NF1: variants seen among roughly 807,000 people sequenced by gnomAD.
The protein encoded by NF1 is neurofibromin 1.
Under a neutral mutation model 325.7 loss-of-function variants are expected in NF1, and 122 were observed. The ratio of observed to expected loss-of-function variants is 0.37; its 90% CI spans 0.32 to 0.44. The LOEUF (loss-of-function observed/expected upper bound fraction) is 0.44. Among genes scored for constraint, NF1 ranks in the 20% least tolerant of loss-of-function variants. The pLI is 1.00. For missense variants in NF1, 2,140 were observed against 3,415.4 expected (o/e 0.63, Z 9.31); for synonymous variants, 1,091 against 1,186.0 (o/e 0.92, Z 1.65).
At chr17:31,363,258 A>G (rs748086014) in intron 57 of NF1, among the ~76,000 whole-genome samples, 15 of 152,176 alleles carry the variant, frequency 9.9e-5, no homozygotes, top group Non-Finnish European at 1.5e-4. Context: ...ACCCATTTGT[A>G]TCTCTAAATT....
In NF1 at chr17:31,337,514, T is replaced by C. The variant is rs267606598; in HGVS notation, c.6574T>C (p.Tyr2192His). 6.2e-7 allele frequency: 1 copy of C among 1,614,128 alleles called. No individual in the cohort carries two copies. The highest frequency in any genetic ancestry group is 8.5e-7 in the Non-Finnish European group (1 of 1,179,982). The change falls in exon 43 of 58, where the codon TAT becomes CAT. Residue 2192 changes from tyrosine (Y) to histidine (H), a missense_variant. Tyr to His is a moderately conservative substitution (Grantham distance 83). Coordinates refer to ENST00000358273, the MANE Select transcript of NF1 (RefSeq NM_001042492.3). ...YRDRSFSPGS[Y>H]ERETFALTSL... ...GGACAGGTCATTCTCTCCTGGCTCC[T>C]ATGAGAGAGAGACTTTTGCTTTGAC...
chr17:31,254,490 G>A (rs553876508), intron 31 of NF1, among the ~76,000 whole-genome samples: 20 of 152,070 alleles, frequency 1.3e-4, no homozygotes, highest in Non-Finnish European at 2.1e-4. Context: ...TTATAAAGAC[G>A]TTTCTAATGC....
intron 1 of NF1, among the ~76,000 whole-genome samples, chr17:31,141,942 GTT>G (rs1466887012): frequency 1.3e-5 from 2 of 152,034 alleles, no homozygotes; most frequent in African/African-American, 2.4e-5. Flanking sequence ...TATTTTCTTT[GTT>G]TTTTCTCTCA....
At chr17:31,214,726 C>T in intron 13 of NF1, 141 bp downstream of exon 13, 1 of 700,896 alleles carries the variant, frequency 1.4e-6, no homozygotes, top group South Asian at 2.0e-5. Context: ...ACTAAGACGT[C>T]TCTAAGAAAA....
At chr17:31,344,433 G>A (rs937701153) in intron 48 of NF1, among the ~76,000 whole-genome samples, 1 of 152,230 alleles carries the variant, frequency 6.6e-6, no homozygotes, top group African/African-American at 2.4e-5. Context: ...AGTAAGACCT[G>A]GGATAAGGAG....
intron 36 of NF1, among the ~76,000 whole-genome samples, chr17:31,298,980 A>G (rs1212423723): frequency 1.3e-5 from 2 of 152,046 alleles, no homozygotes; most frequent in Non-Finnish European, 2.9e-5. Flanking sequence ...TACTTCATTA[A>G]TGGATTCAAA....
intron 1 of NF1, among the ~76,000 whole-genome samples, chr17:31,139,620 G>T (rs1394429833): frequency 1.3e-5 from 2 of 152,156 alleles, no homozygotes; most frequent in Non-Finnish European, 2.9e-5. Flanking sequence ...TAACTTTATT[G>T]TTGGAGGCTT....
chr17:31,338,901 A>AT, intron 46 of NF1, 96 bp downstream of exon 46: 1 of 850,056 alleles, frequency 1.2e-6, no homozygotes, highest in Non-Finnish European at 2.0e-6. Context: ...TGAATTGAGA[A>AT]TAAGTTATAA....
intron 1 of NF1, among the ~76,000 whole-genome samples, chr17:31,119,657 T>C (rs1450092100): frequency 6.6e-6 from 1 of 152,168 alleles, no homozygotes; most frequent in Non-Finnish European, 1.5e-5. Flanking sequence ...TCATTGCTTT[T>C]GGTGTTTTAG....
In NF1 at chr17:31,227,511, C is replaced by T. The variant is rs1028639542; in HGVS notation, c.2326-12C>T. 1.8e-5 allele frequency: 29 copies of T among 1,613,348 alleles called. No homozygotes were observed. The highest frequency in any genetic ancestry group is 2.3e-5 in the Non-Finnish European group (27 of 1,179,602). The stretch of plus-strand genomic sequence containing the variant: ...CTAAGTTGCTTTCAAGTGATAATTG[C>T]CTTCATTTTAGGCTTGGGAAGATAC... On this transcript the variant is annotated splice_polypyrimidine_tract_variant and intron_variant, in intron 19 of 57. Transcript: ENST00000358273.
At chr17:31,255,312 T>G (rs1376698228) in intron 31 of NF1, among the ~76,000 whole-genome samples, 1 of 152,140 alleles carries the variant, frequency 6.6e-6, no homozygotes, top group African/African-American at 2.4e-5. Flanking sequence ...TGACCTTTTA[T>G]GCAGAATGTC....
rs140414736 is a variant in NF1 at position 31,142,597 on chromosome 17, G to A, written c.61-13386G>A. On this transcript the variant is annotated intron_variant, in intron 1 of 57. Coordinates refer to ENST00000358273, the MANE Select transcript of NF1 (RefSeq NM_001042492.3). ...GAGGCCGGAAATGAGGCCGGGCACT[G>A]TGGCTCATGCCTGTAATCCCAGCAC... is the stretch of plus-strand genomic sequence containing the variant. Among the ~76,000 whole-genome samples, 1,190 of 152,280 alleles carry A rather than the reference G, an allele frequency of 7.8e-3. 19 individuals are homozygous for A. The highest frequency in any genetic ancestry group is 0.027 in the African/African-American group (1,139 of 41,560).
Position 31,210,899 on chromosome 17 carries a change from T to A in NF1, c.1393-3552T>A, listed in dbSNP as rs1271640346. ...CCTTTGTACCTTTGTAGTATTTTTT[T>A]AATATTTGAAATGTTTGTCTTAGCA... On this transcript the variant is annotated intron_variant, in intron 12 of 57. Transcript: ENST00000358273. 1.1e-4 allele frequency among the ~76,000 whole-genome samples: 17 copies of A among 152,342 alleles called. No individual in the cohort carries two copies. In the East Asian group the frequency reaches 1.9e-3, roughly 17 times the overall value.
chr17:31,195,567 T>C (rs1447321194), intron 8 of NF1, among the ~76,000 whole-genome samples: 1 of 152,142 alleles, frequency 6.6e-6, no homozygotes, highest in Non-Finnish European at 1.5e-5. Context: ...CAACCGTCCT[T>C]TTACTTTCTG....
intron 50 of NF1, 35 bp downstream of exon 50, chr17:31,350,353 A>G (rs747017524): frequency 1.3e-6 from 2 of 1,594,542 alleles, no homozygotes; most frequent in East Asian, 2.2e-5. Context: ...TTACATAATC[A>G]TAATCAAGTT....
rs786202863 is a variant in NF1 at position 31,374,132 on chromosome 17, A to G, written c.8497A>G (p.Asn2833Asp). 6.2e-7 allele frequency: 1 copy of G among 1,613,972 alleles called. No individual in the cohort carries two copies. Among genetic ancestry groups the G allele is most frequent in the African/African-American group, 1.3e-5 (1 of 74,922 alleles). ...KQRSAGSFKR[N>D]SIKKIV Reference sequence around the variant, plus strand: ...AAGAAGCGCTGGCAGTTTCAAACGTAATAGCATTAAGAAGATCGTGTGAAG... The same window carrying G: ...AAGAAGCGCTGGCAGTTTCAAACGTGATAGCATTAAGAAGATCGTGTGAAG... The change falls in exon 58 of 58, where the codon AAT (asparagine) becomes GAT (aspartate). Residue 2833 changes from asparagine (N) to aspartate (D), a missense_variant. This residue lies in a region of NF1 where 522 missense variants were observed against 749.0 expected (regional missense o/e 0.70). Transcript: ENST00000358273.
intron 55 of NF1, 81 bp downstream of exon 55, chr17:31,358,703 T>G (rs966508731): frequency 6.5e-7 from 1 of 1,531,256 alleles, no homozygotes; most frequent in Non-Finnish European, 9.0e-7. Flanking sequence ...ACTACAGAAT[T>G]CTTTATAAGG....
At chr17:31,293,178 C>CAAAAAAAAAAAAAAAAAAAAAAAAAAAA (rs71142044) in intron 36 of NF1, among the ~76,000 whole-genome samples, 8 of 64,884 alleles carry the variant, frequency 1.2e-4, no homozygotes, top group African/African-American at 2.9e-4. Flanking sequence ...GACTTCGTCT[C>CAAAAAAAAAAAAAAAAAAAAAAAAAAAA]AAAAAAAAAA....
chr17:31,306,103 C>T (rs1311302156), intron 36 of NF1, among the ~76,000 whole-genome samples: 1 of 152,066 alleles, frequency 6.6e-6, no homozygotes, highest in Non-Finnish European at 1.5e-5. Flanking sequence ...TCTTCTCTCC[C>T]CTCCCCTCCT....
Sources: allele counts gnomAD v4.1 joint callset (sites outside exome capture counted in the v4.1 genomes callset), GRCh38; gene constraint gnomAD v4.1.1; regional missense constraint gnomAD v4.1.1; transcripts MANE v1.5; gene names NCBI Gene and HGNC (gene_info 2026-07-23, HGNC 2026-07-21).